Variants in WDPCP observed in about 807,000 individuals in gnomAD.
WDPCP encodes the protein WD repeat containing planar cell polarity effector, also known as WD repeat-containing and planar cell polarity effector protein fritz homolog.
In WDPCP, 71 loss-of-function variants were observed where a neutral mutation model predicts 93.1. That is an observed-to-expected ratio of 0.76 (90% CI 0.63 to 0.93). The LOEUF is 0.93. WDPCP is among the 40% of genes least tolerant of loss of function. The pLI is 0.00. For synonymous variants in WDPCP, 315 were observed against 315.0 expected (o/e 1.00, Z 0.00); for missense variants, 844 against 887.4 (o/e 0.95, Z 0.62).
chr2:63,428,846 G>T (rs1696513304), intron 9 of WDPCP, among the ~76,000 whole-genome samples: 1 of 152,186 alleles, frequency 6.6e-6, no homozygotes. Flanking sequence ...GGAGGTAAAA[G>T]ATCTCTGCAA....
chr2:63,401,430 T>C (rs1312818052), intron 10 of WDPCP, among the ~76,000 whole-genome samples: 1 of 152,036 alleles, frequency 6.6e-6, no homozygotes, highest in African/African-American at 2.4e-5. Flanking sequence ...GAAATGCAAA[T>C]CAAAACCACA....
At chr2:63,142,803 G>T (rs778949369) in intron 17 of WDPCP, among the ~76,000 whole-genome samples, 3 of 150,172 alleles carry the variant, frequency 2.0e-5, no homozygotes, top group Admixed American at 1.3e-4. Flanking sequence ...AAATTTGGGA[G>T]CTGCAGTGTT....
chr2:63,342,824 C>CA (rs1043936490), intron 12 of WDPCP, among the ~76,000 whole-genome samples: 1 of 152,070 alleles, frequency 6.6e-6, no homozygotes, highest in Non-Finnish European at 1.5e-5. Flanking sequence ...TTTACACGTT[C>CA]TTTATTTCTT....
intron 1 of WDPCP, among the ~76,000 whole-genome samples, chr2:63,498,634 C>G (rs1701368261): frequency 1.3e-5 from 2 of 152,306 alleles, no homozygotes; most frequent in Non-Finnish European, 1.5e-5. Context: ...GTAGAGATTA[C>G]TTGCCACTGA....
intron 9 of WDPCP, among the ~76,000 whole-genome samples, chr2:63,406,788 C>T (rs990237231): frequency 8.5e-5 from 13 of 152,162 alleles, no homozygotes; most frequent in South Asian, 4.1e-4. Context: ...GTACTCATTC[C>T]TTTCCTCCAT....
chr2:63,605,302 C>T (rs1709506735), intron 3 of WDPCP: 9 of 1,613,752 alleles, frequency 5.6e-6, no homozygotes, highest in Admixed American at 3.3e-5. Context: ...CGTGGCGCTG[C>T]TGTCATCAAG....
intron 14 of WDPCP, among the ~76,000 whole-genome samples, chr2:63,252,782 A>G (rs1559249114): frequency 6.6e-6 from 1 of 152,180 alleles, no homozygotes; most frequent in Non-Finnish European, 1.5e-5. Context: ...CAAATGGAAA[A>G]ACTTCCACGT....
chr2:63,414,537 T>C (rs1307653160), intron 9 of WDPCP, among the ~76,000 whole-genome samples: 1 of 151,660 alleles, frequency 6.6e-6, no homozygotes, highest in African/African-American at 2.4e-5. Flanking sequence ...GATGGAATAC[T>C]ACACAGCCAT....
chr2:63,313,890 T>A lies in WDPCP; in HGVS notation c.1749-579A>T, dbSNP rs780789755. Among the ~76,000 whole-genome samples, 19 of 7,560 alleles carry A rather than the reference T, an allele frequency of 2.5e-3. No homozygotes were observed. The East Asian group carries it at 0.17, about 66-fold the overall frequency. 5.0% of individuals were successfully genotyped at this position (7,560 alleles called of 152,430 possible). On this transcript the variant is annotated intron_variant, in intron 12 of 17. Transcript: ENST00000272321. ...TATATATATATATATATATATATTT[T>A]TTTTTTTTTGGAGATGGAGTCTCGC...
intron 14 of WDPCP, among the ~76,000 whole-genome samples, chr2:63,205,966 A>G (rs1676308545): frequency 6.6e-6 from 1 of 152,166 alleles, no homozygotes; most frequent in Admixed American, 6.5e-5. Context: ...TGGGTCTGTC[A>G]TATATGGCTT....
At chr2:63,575,432 A>ATACACTGTATATACTGTATATACTGTG (rs1648549664) in intron 1 of WDPCP, among the ~76,000 whole-genome samples, 2 of 98,610 alleles carry the variant, frequency 2.0e-5, no homozygotes, top group Admixed American at 9.3e-5. Context: ...TATACAGTGT[A>ATACACTGTATATACTGTATATACTGTG]TATACAGTGT....
At chr2:63,209,728 G>C (rs1344707689) in intron 14 of WDPCP, among the ~76,000 whole-genome samples, 1 of 152,130 alleles carries the variant, frequency 6.6e-6, no homozygotes, top group East Asian at 1.9e-4. Flanking sequence ...TAGCAGCACA[G>C]ATTTTAGTAA....
At chr2:63,291,715 A>T (rs1261763575) in intron 13 of WDPCP, among the ~76,000 whole-genome samples, 1 of 152,040 alleles carries the variant, frequency 6.6e-6, no homozygotes, top group Non-Finnish European at 1.5e-5. Flanking sequence ...AGGGAGAGGC[A>T]GGAGAATTAC....
At chr2:63,643,492 C>G in intron 3 of WDPCP, 1 of 369,884 alleles carries the variant, frequency 2.7e-6, no homozygotes, top group Admixed American at 3.6e-5. Flanking sequence ...GTTAGCACCC[C>G]TCAGTCACCA....
At chr2:63,482,043 TG>T (rs1420737142) in intron 6 of WDPCP, among the ~76,000 whole-genome samples, 2 of 151,994 alleles carry the variant, frequency 1.3e-5, no homozygotes, top group African/African-American at 2.4e-5. Flanking sequence ...AATGGTACAA[TG>T]TGCAGATCAT....
chr2:63,789,309 A>G (rs930214110), intron 2 of WDPCP, among the ~76,000 whole-genome samples: 1 of 151,760 alleles, frequency 6.6e-6, no homozygotes, highest in African/African-American at 2.4e-5. Context: ...GCAATTAAGT[A>G]TTTTTTTTCT....
At chr2:63,140,254 C>T (rs1670959078) in intron 17 of WDPCP, among the ~76,000 whole-genome samples, 2 of 152,100 alleles carry the variant, frequency 1.3e-5, no homozygotes, top group Non-Finnish European at 2.9e-5. Context: ...TGTGCTTCCT[C>T]TAGATTTGTT....
At chr2:63,374,487 T>C (rs547653837) in intron 12 of WDPCP, among the ~76,000 whole-genome samples, 44 of 152,304 alleles carry the variant, frequency 2.9e-4, no homozygotes, top group African/African-American at 9.6e-4. Flanking sequence ...TTTTTTAGTA[T>C]TCATGTTCTT....
At chr2:63,635,433 G>A (rs994294839) in intron 3 of WDPCP, among the ~76,000 whole-genome samples, 2 of 152,016 alleles carry the variant, frequency 1.3e-5, no homozygotes, top group Non-Finnish European at 2.9e-5. Flanking sequence ...AAAATTAGAG[G>A]TCAATATCCC....
Sources: allele counts gnomAD v4.1 joint callset (sites outside exome capture counted in the v4.1 genomes callset), GRCh38; gene constraint gnomAD v4.1.1; transcripts MANE v1.5; gene names NCBI Gene and HGNC (gene_info 2026-07-23, HGNC 2026-07-21).